SNX29: variants seen among roughly 807,000 people sequenced by gnomAD.
SNX29 encodes the protein sorting nexin-29.
In SNX29, 78 loss-of-function variants were observed where a neutral mutation model predicts 102.1. The ratio of observed to expected loss-of-function variants is 0.76; its 90% confidence interval spans 0.64 to 0.92. The LOEUF is 0.92. Among genes scored for constraint, SNX29 ranks in the 40% least tolerant of loss-of-function variants. SNX29 has a pLI of 0.00. For missense variants in SNX29, 1,280 were observed against 1,061.7 expected (o/e 1.21, Z -2.86); for synonymous variants, 580 against 414.5 (o/e 1.40, Z -4.85).
At chr16:12,497,560 G>A (rs922109972) in intron 19 of SNX29, among the ~76,000 whole-genome samples, 1 of 152,186 alleles carries the variant, frequency 6.6e-6, no homozygotes, top group African/African-American at 2.4e-5. Flanking sequence ...AGGAGTGGCT[G>A]GAGTCGGGAG....
intron 3 of SNX29, among the ~76,000 whole-genome samples, chr16:12,005,020 T>C (rs561345239): frequency 6.6e-6 from 1 of 152,346 alleles, no homozygotes; most frequent in African/African-American, 2.4e-5. Context: ...GATGAGCGTG[T>C]GTATCACATT....
chr16:12,327,008 G>A (rs1259447486), intron 15 of SNX29, among the ~76,000 whole-genome samples: 1 of 152,204 alleles, frequency 6.6e-6, no homozygotes, highest in Non-Finnish European at 1.5e-5. Context: ...GGGGTTGACC[G>A]ATGGGGCTGA....
At chr16:12,541,294 G>A (rs8055500) in intron 20 of SNX29, among the ~76,000 whole-genome samples, 2,630 of 152,288 alleles carry the variant, frequency 0.017, 84 homozygotes, top group African/African-American at 0.059. Context: ...ACCACTAACA[G>A]TGGGGATGGT....
At chr16:12,228,142 T>G (rs2142171608) in intron 14 of SNX29, among the ~76,000 whole-genome samples, 1 of 152,208 alleles carries the variant, frequency 6.6e-6, no homozygotes, top group Non-Finnish European at 1.5e-5. Context: ...GACCTTACCG[T>G]CTCAGAGTCT....
At chr16:12,116,038 C>T (rs2053685054) in intron 11 of SNX29, among the ~76,000 whole-genome samples, 1 of 152,190 alleles carries the variant, frequency 6.6e-6, no homozygotes. Flanking sequence ...TTGACCGTGC[C>T]AGGTGATGGA....
intron 19 of SNX29, among the ~76,000 whole-genome samples, chr16:12,485,789 A>G (rs1185848894): frequency 6.6e-6 from 1 of 152,164 alleles, no homozygotes. Flanking sequence ...CAGGAGCTAT[A>G]TGAGCTGCAG....
At chr16:12,334,014 A>T (rs1008115510) in intron 15 of SNX29, among the ~76,000 whole-genome samples, 2 of 152,106 alleles carry the variant, frequency 1.3e-5, no homozygotes, top group African/African-American at 4.8e-5. Flanking sequence ...TGTGTTTGTT[A>T]AATATCTGGG....
intron 14 of SNX29, among the ~76,000 whole-genome samples, chr16:12,251,061 C>T (rs7189091): frequency 0.073 from 11,158 of 152,284 alleles, 1,195 homozygotes; most frequent in African/African-American, 0.23. Context: ...GGCCAGGCTG[C>T]GCAGGACATC....
chr16:12,523,372 C>T (rs1275343094), intron 19 of SNX29, among the ~76,000 whole-genome samples: 2 of 152,230 alleles, frequency 1.3e-5, no homozygotes, highest in African/African-American at 2.4e-5. Flanking sequence ...TGACCCCGTT[C>T]CTCCACTGCC....
intron 20 of SNX29, among the ~76,000 whole-genome samples, chr16:12,536,489 G>C (rs2077085221): frequency 6.6e-6 from 1 of 152,106 alleles, no homozygotes; most frequent in Admixed American, 6.6e-5. Context: ...AGTGATCCTG[G>C]ATTAGAACCT....
At chr16:12,167,744 G>A (rs1366271953) in intron 13 of SNX29, among the ~76,000 whole-genome samples, 2 of 152,180 alleles carry the variant, frequency 1.3e-5, no homozygotes, top group Admixed American at 6.5e-5. Context: ...GTAACAAGCC[G>A]GGGAGTGAAT....
chr16:12,104,054 T>C (rs11646458), intron 11 of SNX29, among the ~76,000 whole-genome samples: 29,612 of 152,184 alleles, frequency 0.19, 3,344 homozygotes, highest in Admixed American at 0.27. Flanking sequence ...GAAGCCTGCA[T>C]TCCAGATGAG....
chr16:12,526,378 C>T (rs1353453659), intron 20 of SNX29, among the ~76,000 whole-genome samples: 1 of 152,110 alleles, frequency 6.6e-6, no homozygotes, highest in East Asian at 1.9e-4. Flanking sequence ...TGCCTAGGCC[C>T]TTTGAAATTG....
At chr16:12,373,205 T>TC (rs2082746877) in intron 16 of SNX29, among the ~76,000 whole-genome samples, 1 of 152,200 alleles carries the variant, frequency 6.6e-6, no homozygotes, top group Admixed American at 6.5e-5. Flanking sequence ...CAGTCATAGC[T>TC]CGCTGCAGCC....
chr16:12,134,206 C>T (rs565159262), intron 13 of SNX29, among the ~76,000 whole-genome samples: 1 of 152,208 alleles, frequency 6.6e-6, no homozygotes, highest in African/African-American at 2.4e-5. Flanking sequence ...TAAATGGGTT[C>T]TTGAATTATT....
chr16:12,216,373 T>C (rs986452380), intron 14 of SNX29, among the ~76,000 whole-genome samples: 1 of 152,038 alleles, frequency 6.6e-6, no homozygotes, highest in African/African-American at 2.4e-5. Context: ...TCAGAAGAAA[T>C]ATGATGGCAC....
At chr16:12,443,561 C>T (rs1015194549) in intron 18 of SNX29, among the ~76,000 whole-genome samples, 1 of 152,224 alleles carries the variant, frequency 6.6e-6, no homozygotes, top group African/African-American at 2.4e-5. Context: ...AGCGATTCTC[C>T]TGCCTCAGCC....
intron 5 of SNX29, among the ~76,000 whole-genome samples, chr16:12,045,642 A>G (rs1482753845): frequency 1.4e-5 from 2 of 147,478 alleles, no homozygotes; most frequent in Non-Finnish European, 3.0e-5. Context: ...TATTATTATT[A>G]TTATTTTGAG....
chr16:12,562,007 C>G (rs906972268), intron 20 of SNX29, among the ~76,000 whole-genome samples: 5 of 152,276 alleles, frequency 3.3e-5, no homozygotes, highest in African/African-American at 7.2e-5. Flanking sequence ...ACCCTGCAAC[C>G]CAGGAGGCCT....
Sources: allele counts gnomAD v4.1 joint callset (sites outside exome capture counted in the v4.1 genomes callset), GRCh38; gene constraint gnomAD v4.1.1; transcripts MANE v1.5; gene names NCBI Gene and HGNC (gene_info 2026-07-23, HGNC 2026-07-21).